Variants in B4GALT6 observed in about 807,000 individuals in gnomAD.
The protein encoded by B4GALT6 is beta-1,4-galactosyltransferase 6.
Under a neutral mutation model 46.3 loss-of-function variants are expected in B4GALT6, and 14 were observed. The ratio of observed to expected loss-of-function variants is 0.30; its 90% confidence interval spans 0.20 to 0.47. The LOEUF (loss-of-function observed/expected upper bound fraction) is 0.47. B4GALT6 is among the 20% of genes least tolerant of loss of function. The pLI, the probability that B4GALT6 is intolerant of heterozygous loss-of-function variation, is 0.99. For missense variants in B4GALT6, 386 were observed against 480.1 expected (o/e 0.80, Z 1.83); for synonymous variants, 168 against 162.0 (o/e 1.04, Z -0.28).
At chr18:31,654,972 T>C (rs1377321346) in intron 3 of B4GALT6, among the ~76,000 whole-genome samples, 1 of 152,194 alleles carries the variant, frequency 6.6e-6, no homozygotes, top group Non-Finnish European at 1.5e-5. Flanking sequence ...TCCTTGACCA[T>C]TGTAAAGTCT....
chr18:31,682,092 T>C (rs2074486476), intron 1 of B4GALT6, among the ~76,000 whole-genome samples: 2 of 152,230 alleles, frequency 1.3e-5, no homozygotes, highest in African/African-American at 2.4e-5. Flanking sequence ...TCATGGAACA[T>C]CATTTTTACT....
chr18:31,631,998 T>A (rs1450506054), intron 5 of B4GALT6, among the ~76,000 whole-genome samples: 1 of 152,030 alleles, frequency 6.6e-6, no homozygotes, highest in Non-Finnish European at 1.5e-5. Context: ...TATAACCATT[T>A]TCCTTTATTT....
chr18:31,635,420 G>T (rs1010952884), intron 5 of B4GALT6, among the ~76,000 whole-genome samples: 1 of 152,138 alleles, frequency 6.6e-6, no homozygotes, highest in Non-Finnish European at 1.5e-5. Context: ...AAACAAGTCA[G>T]ATTTCACAGT....
At chr18:31,647,193 T>A (rs2074001266) in intron 3 of B4GALT6, among the ~76,000 whole-genome samples, 1 of 152,234 alleles carries the variant, frequency 6.6e-6, no homozygotes, top group Non-Finnish European at 1.5e-5. Flanking sequence ...GGCTAAATAA[T>A]AAGCAGTTCA....
the B4GALT6 span, chr18:31,724,221 G>A: frequency 3.1e-6 from 1 of 319,450 alleles, no homozygotes; most frequent in Non-Finnish European, 6.1e-6. Flanking sequence ...TCTCGGGGCT[G>A]CCCTAATGGC....
At chr18:31,704,122 A>C in the B4GALT6 span, among the ~76,000 whole-genome samples, 1 of 151,954 alleles carries the variant, frequency 6.6e-6, no homozygotes, top group Non-Finnish European at 1.5e-5. Flanking sequence ...AATAATAATA[A>C]TTTTATAATT....
chr18:31,650,861 C>T lies in B4GALT6; in HGVS notation c.347-5382G>A, dbSNP rs535299519. ...TCGGCTCACTACAAGCTCCGCCTCC[C>T]GGGTTCACACCATTCTCCTGCCTCA... On this transcript the variant is annotated intron_variant, in intron 3 of 8. Transcript: ENST00000306851. Among the ~76,000 whole-genome samples the T allele has an allele frequency of 2.2e-4, 34 of 152,218 alleles. 1 individual carries two copies. The highest frequency in any genetic ancestry group is 1.9e-3 in the East Asian group (10 of 5,162).
rs1224141587 is a variant in B4GALT6 at position 31,625,443 on chromosome 18, G to A, written c.*171C>T. The stretch of plus-strand genomic sequence containing the variant: ...GGGTGTGTCTCAGAGCAGGGAGGAC[G>A]GGTGAGAGAAGGGTGACTGTATATA... On this transcript the variant is annotated 3_prime_UTR_variant, in exon 9 of 9. Coordinates refer to ENST00000306851, the MANE Select transcript of B4GALT6 (RefSeq NM_004775.5). 3.0e-5 allele frequency: 18 copies of A among 609,812 alleles called. No homozygotes were observed. Among genetic ancestry groups the A allele is most frequent in the Middle Eastern group, 8.2e-4 (2 of 2,434 alleles). 37.8% of individuals were successfully genotyped at this position (609,812 alleles called of 1,614,324 possible).
At chr18:31,683,024 C>T (rs563239078) in intron 1 of B4GALT6, among the ~76,000 whole-genome samples, 19 of 152,284 alleles carry the variant, frequency 1.2e-4, no homozygotes, top group African/African-American at 4.3e-4. Context: ...AAATATTCTT[C>T]AAACTTTACC....
At chr18:31,626,260 T>G in intron 8 of B4GALT6, 23 bp downstream of exon 8, 2 of 1,352,656 alleles carry the variant, frequency 1.5e-6, no homozygotes, top group Non-Finnish European at 2.1e-6. Flanking sequence ...AACCTTGGTA[T>G]CTGAAGATGA....
intron 3 of B4GALT6, among the ~76,000 whole-genome samples, chr18:31,651,844 C>T (rs2074072602): frequency 6.6e-6 from 1 of 152,156 alleles, no homozygotes. Flanking sequence ...GATCTCAGCT[C>T]ACTGCCAGCT....
intron 2 of B4GALT6, among the ~76,000 whole-genome samples, chr18:31,663,266 G>C (rs2074241688): frequency 6.6e-6 from 1 of 152,184 alleles, no homozygotes; most frequent in Admixed American, 6.5e-5. Flanking sequence ...GTCCTAGTCT[G>C]TTTCCCACTA....
intron 3 of B4GALT6, among the ~76,000 whole-genome samples, chr18:31,649,212 A>C (rs1413407114): frequency 6.6e-6 from 1 of 152,214 alleles, no homozygotes; most frequent in Non-Finnish European, 1.5e-5. Context: ...CAAATGCTTT[A>C]CTTAAGCTTC....
chr18:31,656,687 G>C (rs191097556), intron 3 of B4GALT6, among the ~76,000 whole-genome samples: 1 of 152,056 alleles, frequency 6.6e-6, no homozygotes, highest in East Asian at 1.9e-4. Context: ...CCTAAGTAAA[G>C]TTATTAAAAA....
At chr18:31,668,004 G>A (rs1183806383) in intron 1 of B4GALT6, among the ~76,000 whole-genome samples, 1 of 151,912 alleles carries the variant, frequency 6.6e-6, no homozygotes, top group African/African-American at 2.4e-5. Context: ...GGCTGAGGCA[G>A]GAGAATGGCT....
chr18:31,630,038 G>A (rs1347989516), intron 6 of B4GALT6, among the ~76,000 whole-genome samples: 2 of 138,170 alleles, frequency 1.4e-5, no homozygotes, highest in Non-Finnish European at 3.1e-5. Context: ...CAGGAAGGAA[G>A]GAAGGAAGAG....
intron 6 of B4GALT6, among the ~76,000 whole-genome samples, chr18:31,627,648 T>A (rs549630351): frequency 6.6e-6 from 1 of 152,324 alleles, no homozygotes; most frequent in South Asian, 2.1e-4. Flanking sequence ...CTCAAAATAT[T>A]CATGGATATT....
chr18:31,676,917 T>G (rs1195650492), intron 1 of B4GALT6, among the ~76,000 whole-genome samples: 1 of 152,212 alleles, frequency 6.6e-6, no homozygotes, highest in African/African-American at 2.4e-5. Context: ...CTATTTCTTG[T>G]AGTAATTCTC....
rs751234543 is a variant in B4GALT6, at chr18:31,625,733, G to A, written c.1030C>T (p.Arg344Cys). 5.0e-6 allele frequency: 8 copies of A among 1,605,158 alleles called. No homozygotes were observed. Among genetic ancestry groups the A allele is most frequent in the Admixed American group, 1.7e-5 (1 of 57,214 alleles). The change falls in exon 9 of 9, where the codon CGT becomes TGT. Residue 344 changes from arginine to cysteine, a missense_variant. By Grantham distance (180) the Arg-to-Cys change is radical. Around this residue, in one of 2 missense-constraint regions of B4GALT6, gnomAD observed 323 missense variants for 438.9 expected, o/e 0.74. Coordinates refer to ENST00000306851, the MANE Select transcript of B4GALT6 (RefSeq NM_004775.5). Reference sequence around the variant, plus strand: ...TTGTTCAGTCCATCGATGTACTGACGCTCCTTGGAATACCTTAGTAATTTA... The same window carrying A: ...TTGTTCAGTCCATCGATGTACTGACACTCCTTGGAATACCTTAGTAATTTA... Reference protein sequence around the residue: ...RYKLLRYSKERQYIDGLNNLI... With the variant: ...RYKLLRYSKECQYIDGLNNLI...
Sources: gnomAD v4.1 joint callset for allele counts (sites outside exome capture counted in the v4.1 genomes callset) on GRCh38, gnomAD v4.1.1 for gene constraint, gnomAD v4.1.1 regional missense constraint, MANE v1.5 for transcripts, NCBI Gene and HGNC (gene_info 2026-07-23, HGNC 2026-07-21) for gene names.